ARHGEF7: variants seen among roughly 807,000 people sequenced by gnomAD.
The protein encoded by ARHGEF7 is PAK-interacting exchange factor beta.
In ARHGEF7, 33 loss-of-function variants were observed where a neutral mutation model predicts 109.8. The ratio of observed to expected loss-of-function variants is 0.30; its 90% CI spans 0.23 to 0.40. The LOEUF (loss-of-function observed/expected upper bound fraction) is 0.40. Among genes scored for constraint, ARHGEF7 ranks in the 10% least tolerant of loss-of-function variants. The probability of loss-of-function intolerance (pLI) is 1.00; values close to 1 mark genes in which losing one functional copy is unlikely to be tolerated. For synonymous variants in ARHGEF7, 458 were observed against 424.6 expected, an observed-to-expected ratio of 1.08 and a Z score of -0.97; for missense variants, 938 against 1,098.5, an observed-to-expected ratio of 0.85 and a Z score of 2.07.
At chr13:111,227,260 G>GAAGTTGT (rs879349102) in intron 5 of ARHGEF7, among the ~76,000 whole-genome samples, 5 of 152,230 alleles carry the variant, frequency 3.3e-5, no homozygotes, top group Non-Finnish European at 5.9e-5. Context: ...AATTTTGTAA[G>GAAGTTGT]AAGTTGTATG....
At chr13:111,254,120 A>G (rs2153563709) in intron 8 of ARHGEF7, among the ~76,000 whole-genome samples, 1 of 152,294 alleles carries the variant, frequency 6.6e-6, no homozygotes, top group East Asian at 1.9e-4. Flanking sequence ...GGTGAATTCC[A>G]TCTCCAGTCC....
intron 18 of ARHGEF7, among the ~76,000 whole-genome samples, chr13:111,289,795 CT>C (rs5806894): frequency 2.0e-5 from 3 of 151,230 alleles, no homozygotes; most frequent in South Asian, 2.1e-4. Context: ...CCAGAAGCTT[CT>C]TTTTTTTTAA....
intron 1 of ARHGEF7, among the ~76,000 whole-genome samples, chr13:111,119,056 G>A (rs1430427512): frequency 6.6e-5 from 10 of 152,194 alleles, no homozygotes; most frequent in Non-Finnish European, 1.3e-4. Context: ...GCCCTCAGAA[G>A]GCTCCAAGGA....
intron 9 of ARHGEF7, among the ~76,000 whole-genome samples, chr13:111,269,951 A>T (rs1038538524): frequency 6.6e-6 from 1 of 152,180 alleles, no homozygotes; most frequent in East Asian, 1.9e-4. Flanking sequence ...CCTGGGGTAG[A>T]CTAATCTGCT....
Position 111,120,502 on chromosome 13 carries a change from T to C in ARHGEF7, c.165+4811T>C, listed in dbSNP as rs201591524. On this transcript the variant is annotated intron_variant, in intron 1 of 21. Transcript: ENST00000646102. The stretch of plus-strand genomic sequence containing the variant: ...ACACACACAGACACATGCGTGTACA[T>C]AGACACGCACACACGCACACACAGA... Among the ~76,000 whole-genome samples, 461 of 148,732 alleles carry C rather than the reference T, an allele frequency of 3.1e-3. 8 individuals carry two copies. In the East Asian group the frequency reaches 0.045, roughly 15 times the overall value.
chr13:111,279,742 C>T (rs906358177), intron 13 of ARHGEF7, among the ~76,000 whole-genome samples: 4 of 152,200 alleles, frequency 2.6e-5, no homozygotes, highest in African/African-American at 9.7e-5. Context: ...GGTTTGCCAA[C>T]CATTTTGTGC....
At chr13:111,168,446 T>A (rs2077310317) in intron 2 of ARHGEF7, among the ~76,000 whole-genome samples, 1 of 152,092 alleles carries the variant, frequency 6.6e-6, no homozygotes. Flanking sequence ...GAGTGGAGAG[T>A]TGACACTTTT....
chr13:111,292,205 T>C lies in ARHGEF7; in HGVS notation c.2222T>C (p.Leu741Pro). The change falls in exon 19 of 22, where the codon CTT (leucine) becomes CCT (proline). Residue 741 changes from leucine to proline, a missense_variant. This residue lies in a region of ARHGEF7 where 166 missense variants were observed against 167.3 expected (regional missense o/e 0.99). Coordinates refer to ENST00000646102, the MANE Select transcript of ARHGEF7 (RefSeq NM_001354046.2). The part of the protein sequence containing the change: ...SLDSLGRRSS[L>P]SRLEPSDLSE... ...GACTCCCTGGGGCGTCGCAGTAGCC[T>C]TTCTCGTTTGGAGCCTTCAGACCTC... 6.2e-7 allele frequency: 1 copy of C among 1,614,152 alleles called. No homozygotes were observed. Among genetic ancestry groups the C allele is most frequent in the South Asian group, 1.1e-5 (1 of 91,074 alleles).
chr13:111,153,551 C>G, intron 1 of ARHGEF7: 2 of 945,654 alleles, frequency 2.1e-6, no homozygotes, highest in Non-Finnish European at 2.6e-6. Flanking sequence ...GGCAGCTCGC[C>G]GGCAAAGCAG....
intron 18 of ARHGEF7, among the ~76,000 whole-genome samples, 187 bp from the exon 19 acceptor site, chr13:111,291,931 G>A (rs555417190): frequency 6.6e-6 from 1 of 152,148 alleles, no homozygotes; most frequent in Non-Finnish European, 1.5e-5. Flanking sequence ...TGCTAAGTTC[G>A]TTATTGTGAA....
chr13:111,221,480 G>GAT (rs1352594128), intron 5 of ARHGEF7, among the ~76,000 whole-genome samples: 1 of 53,342 alleles, frequency 1.9e-5, no homozygotes. Context: ...TATATATATA[G>GAT]ATATATATAG....
At chr13:111,196,976 C>G (rs1171876928) in intron 2 of ARHGEF7, among the ~76,000 whole-genome samples, 2 of 152,142 alleles carry the variant, frequency 1.3e-5, no homozygotes, top group African/African-American at 2.4e-5. Flanking sequence ...GCCTCTTTTT[C>G]AGGGTTTCTG....
At chr13:111,191,191 G>A (rs1051095474) in intron 2 of ARHGEF7, among the ~76,000 whole-genome samples, 5 of 152,136 alleles carry the variant, frequency 3.3e-5, no homozygotes, top group African/African-American at 4.8e-5. Flanking sequence ...CAAGCCGTCC[G>A]CATGGAGCTG....
intron 12 of ARHGEF7, among the ~76,000 whole-genome samples, chr13:111,276,345 A>G (rs2092480535): frequency 6.6e-6 from 1 of 152,248 alleles, no homozygotes; most frequent in Admixed American, 6.5e-5. Flanking sequence ...CAAGGAGAAT[A>G]AGAAAACTAA....
chr13:111,126,383 G>C (rs566494012), intron 1 of ARHGEF7, among the ~76,000 whole-genome samples: 3 of 152,130 alleles, frequency 2.0e-5, no homozygotes, highest in African/African-American at 7.2e-5. Flanking sequence ...CCAGCTACTT[G>C]GGAGGCTGAG....
At chr13:111,154,927 C>T (rs1407473694) in intron 2 of ARHGEF7, among the ~76,000 whole-genome samples, 3 of 151,958 alleles carry the variant, frequency 2.0e-5, no homozygotes, top group African/African-American at 4.8e-5. Context: ...AGAGTACAGT[C>T]GGCCCTCCGT....
chr13:111,212,142 G>C (rs971032104), intron 4 of ARHGEF7, among the ~76,000 whole-genome samples: 1 of 152,094 alleles, frequency 6.6e-6, no homozygotes, highest in African/African-American at 2.4e-5. Flanking sequence ...CCCCTGCCTC[G>C]GGACAGATTT....
chr13:111,300,778 T>G lies in ARHGEF7; in HGVS notation c.2342T>G (p.Leu781Trp). Residue 781 changes from leucine (L) to tryptophan (W), a missense_variant, in exon 20 of 22, where the codon TTG becomes TGG. Coordinates refer to ENST00000646102, the MANE Select transcript of ARHGEF7 (RefSeq NM_001354046.2). ...RSRKESAPQVLLPEEEKIIVE... is the reference protein window; with the variant it reads ...RSRKESAPQVWLPEEEKIIVE... ...CGCAAAGAATCTGCTCCACAAGTTTTGCTTCCAGAAGAAGAGAAAATTATA... is the reference window on the plus strand; with the variant it reads ...CGCAAAGAATCTGCTCCACAAGTTTGGCTTCCAGAAGAAGAGAAAATTATA... The G allele has an allele frequency of 6.2e-7, 1 of 1,612,028 alleles. No individual in the cohort carries two copies. Among genetic ancestry groups the G allele is most frequent in the Non-Finnish European group, 8.5e-7 (1 of 1,179,104 alleles).
chr13:111,221,150 G>GAT (rs1192814884), intron 5 of ARHGEF7, among the ~76,000 whole-genome samples: 1 of 87,592 alleles, frequency 1.1e-5, no homozygotes, highest in Admixed American at 1.4e-4. Context: ...TATATATATA[G>GAT]ATATATATGT....
Sources: allele counts gnomAD v4.1 joint callset (sites outside exome capture counted in the v4.1 genomes callset), GRCh38; gene constraint gnomAD v4.1.1; regional missense constraint gnomAD v4.1.1; transcripts MANE v1.5; gene names NCBI Gene and HGNC (gene_info 2026-07-23, HGNC 2026-07-21).